Variants in ATRN observed in about 807,000 individuals in gnomAD.
ATRN encodes attractin, also known as attractin-2.
In ATRN, 54 loss-of-function variants were observed where a neutral mutation model predicts 178.7. The observed-to-expected ratio is 0.30, with a 90% CI of 0.24 to 0.38. The LOEUF (loss-of-function observed/expected upper bound fraction) is 0.38, where lower values mean the gene tolerates loss of function less well. Among genes scored for constraint, ATRN ranks in the 10% least tolerant of loss-of-function variants. The pLI is 1.00. For synonymous variants in ATRN, 636 were observed against 663.0 expected (o/e 0.96, Z 0.63); for missense variants, 1,443 against 1,815.1 (o/e 0.79, Z 3.73).
intron 24 of ATRN, among the ~76,000 whole-genome samples, chr20:3,610,388 GAACCACATAAATATGTCC>G (rs962884927): frequency 2.6e-5 from 4 of 152,028 alleles, no homozygotes; most frequent in Admixed American, 2.0e-4. Flanking sequence ...CCCAGAAATA[GAACCACATAAATATGTCC>G]AACTGATTAG....
intron 1 of ATRN, among the ~76,000 whole-genome samples, chr20:3,525,513 C>T (rs546016740): frequency 2.6e-4 from 40 of 152,204 alleles, no homozygotes; most frequent in South Asian, 8.3e-4. Flanking sequence ...CAATTCCAAA[C>T]GACAGAAAAA....
At chr20:3,500,146 A>T (rs1268548886) in intron 1 of ATRN, among the ~76,000 whole-genome samples, 1 of 152,160 alleles carries the variant, frequency 6.6e-6, no homozygotes, top group Non-Finnish European at 1.5e-5. Context: ...ACCATCTCAC[A>T]CCAGTTAGAA....
At chr20:3,630,361 C>T (rs892380426) in intron 25 of ATRN, among the ~76,000 whole-genome samples, 2 of 152,168 alleles carry the variant, frequency 1.3e-5, no homozygotes, top group Non-Finnish European at 2.9e-5. Flanking sequence ...CACTCCTATA[C>T]ACACACAGCT....
intron 6 of ATRN, among the ~76,000 whole-genome samples, chr20:3,556,721 GAGA>G (rs2085882004): frequency 6.6e-6 from 1 of 151,922 alleles, no homozygotes; most frequent in South Asian, 2.1e-4. Context: ...TTTTTTGTAC[GAGA>G]TACTTTTTTA....
At chr20:3,613,611 G>C (rs1241276086) in intron 24 of ATRN, among the ~76,000 whole-genome samples, 1 of 152,188 alleles carries the variant, frequency 6.6e-6, no homozygotes, top group Non-Finnish European at 1.5e-5. Context: ...TGCAGTGTAG[G>C]CCATTCAGTT....
intron 25 of ATRN, 114 bp from the exon 26 acceptor site, chr20:3,634,197 G>A (rs1457255071): frequency 4.8e-6 from 4 of 836,244 alleles, no homozygotes; most frequent in South Asian, 3.3e-5. Flanking sequence ...CATCAGAAGG[G>A]AGCCCGGAGG....
chr20:3,570,319 T>A (rs1182901639), intron 11 of ATRN, among the ~76,000 whole-genome samples: 1 of 152,196 alleles, frequency 6.6e-6, no homozygotes, highest in African/African-American at 2.4e-5. Context: ...GTAGTCCAGA[T>A]TTTGATTATT....
At chr20:3,609,098 T>C (rs1435225826) in intron 24 of ATRN, among the ~76,000 whole-genome samples, 2 of 152,186 alleles carry the variant, frequency 1.3e-5, no homozygotes, top group African/African-American at 4.8e-5. Context: ...ACATTGAATC[T>C]GTAGGTAGCT....
chr20:3,594,378 C>T, intron 19 of ATRN, 101 bp from the exon 20 acceptor site: 2 of 833,592 alleles, frequency 2.4e-6, no homozygotes, highest in Non-Finnish European at 3.7e-6. Flanking sequence ...GTCTTTCCTA[C>T]TGAACTCAAT....
At chr20:3,481,791 C>CTTTTTTTTTTT (rs780144563) in intron 1 of ATRN, among the ~76,000 whole-genome samples, 1 of 100,492 alleles carries the variant, frequency 1.0e-5, no homozygotes. Context: ...GGTGAATTTC[C>CTTTTTTTTTTT]TTTTTTTTTT....
chr20:3,614,465 T>G (rs1035602513), intron 24 of ATRN, among the ~76,000 whole-genome samples: 7 of 152,194 alleles, frequency 4.6e-5, no homozygotes, highest in Non-Finnish European at 7.3e-5. Flanking sequence ...TACTGTTTTA[T>G]GTAAGAGGCC....
intron 16 of ATRN, 68 bp from the exon 17 acceptor site, chr20:3,583,830 A>C (rs1044597428): frequency 1.1e-5 from 16 of 1,457,722 alleles, no homozygotes; most frequent in Middle Eastern, 1.8e-4. Context: ...AAAAGAAAGA[A>C]AGAAAAGTCT....
At chr20:3,584,514 T>G (rs556747534) in intron 17 of ATRN, 133 bp from the exon 18 acceptor site, 11 of 700,470 alleles carry the variant, frequency 1.6e-5, no homozygotes, top group East Asian at 5.4e-5. Flanking sequence ...TTACATTCAT[T>G]ATCTCTTTTA....
At chr20:3,487,670 G>A (rs181705324) in intron 1 of ATRN, among the ~76,000 whole-genome samples, 2 of 152,148 alleles carry the variant, frequency 1.3e-5, no homozygotes, top group South Asian at 4.1e-4. Context: ...GAGAGAGTTT[G>A]TGATTACTTC....
At chr20:3,641,810 A>C (rs2087071385) in intron 27 of ATRN, among the ~76,000 whole-genome samples, 1 of 152,152 alleles carries the variant, frequency 6.6e-6, no homozygotes, top group South Asian at 2.1e-4. Context: ...ATTTGCCACC[A>C]GCAGACCTGC....
Position 3,535,319 on chromosome 20 carries a change from G to A in ATRN, c.477G>A (p.Thr159=), listed in dbSNP as rs1286559450. Residue 159 remains threonine (T), a synonymous_variant, in exon 2 of 29, where the codon ACG becomes ACA. Transcript: ENST00000262919. Reference sequence around the variant, plus strand: ...ATTATAAATACAAAACGAAGTGCACGTGGCTCATTGAAGGACAGTAAGTAG... The same window carrying A: ...ATTATAAATACAAAACGAAGTGCACATGGCTCATTGAAGGACAGTAAGTAG... The part of the protein sequence containing the change: ...PGNYKYKTKC[T]WLIEGQPNRI... The A allele has an allele frequency of 5.8e-6, 9 of 1,544,990 alleles. No homozygotes were observed. The highest frequency in any genetic ancestry group is 2.8e-5 in the African/African-American group (2 of 72,564).
intron 3 of ATRN, 119 bp from the exon 4 acceptor site, chr20:3,545,643 T>C (rs1461143698): frequency 4.6e-6 from 6 of 1,302,218 alleles, no homozygotes; most frequent in Admixed American, 2.4e-5. Flanking sequence ...GGAATTTGCC[T>C]GTCTTCCTGG....
At chr20:3,477,459 T>C (rs239094) in intron 1 of ATRN, among the ~76,000 whole-genome samples, 9 of 1,764 alleles carry the variant, frequency 5.1e-3, no homozygotes, top group Admixed American at 4.6e-3. Context: ...GGCTGATCTG[T>C]TTTCCCCAGT....
At chr20:3,488,183 G>A (rs1278957525) in intron 1 of ATRN, among the ~76,000 whole-genome samples, 2 of 151,992 alleles carry the variant, frequency 1.3e-5, no homozygotes, top group Admixed American at 1.3e-4. Context: ...ATGTTATATT[G>A]CAGATTGCAT....
Sources: gnomAD v4.1 joint callset for allele counts (sites outside exome capture counted in the v4.1 genomes callset) on GRCh38, gnomAD v4.1.1 for gene constraint, MANE v1.5 for transcripts, NCBI Gene and HGNC (gene_info 2026-07-23, HGNC 2026-07-21) for gene names.